Variants in TRHDE observed in about 807,000 individuals in gnomAD.
The protein encoded by TRHDE is thyrotropin releasing hormone degrading enzyme.
A neutral mutation model predicts 125.7 loss-of-function variants in TRHDE; 72 were observed. The ratio of observed to expected loss-of-function variants is 0.57; its 90% CI spans 0.47 to 0.70. TRHDE has a LOEUF of 0.70. Among genes scored for constraint, TRHDE ranks in the 30% least tolerant of loss-of-function variants. The pLI, the probability that TRHDE is intolerant of heterozygous loss-of-function variation, is 0.00. For synonymous variants in TRHDE, 509 were observed against 509.1 expected (o/e 1.00, Z 0.00); for missense variants, 1,110 against 1,327.1 (o/e 0.84, Z 2.54).
intron 15 of TRHDE, among the ~76,000 whole-genome samples, chr12:72,632,598 T>C (rs553223390): frequency 1.7e-4 from 26 of 152,108 alleles, no homozygotes; most frequent in African/African-American, 6.3e-4. Context: ...ATAGATATCT[T>C]AATTTTTCTA....
intron 3 of TRHDE, among the ~76,000 whole-genome samples, chr12:72,409,328 A>G (rs1445331149): frequency 6.6e-6 from 1 of 152,220 alleles, no homozygotes; most frequent in Admixed American, 6.5e-5. Context: ...GTTTTCAGGG[A>G]GACACTGAGT....
chr12:72,366,896 T>C (rs1352093562), intron 2 of TRHDE, among the ~76,000 whole-genome samples: 1 of 152,070 alleles, frequency 6.6e-6, no homozygotes, highest in Admixed American at 6.6e-5. Context: ...AGGCTGACTT[T>C]TGACCTCAGT....
intron 2 of TRHDE, among the ~76,000 whole-genome samples, chr12:72,351,611 C>T (rs981032180): frequency 6.6e-6 from 1 of 151,920 alleles, no homozygotes; most frequent in Non-Finnish European, 1.5e-5. Context: ...CTCTTTATCT[C>T]CATCACTACC....
At position 72,663,136 on chromosome 12, in the gene TRHDE, T is replaced by C. The variant is rs760955647; in HGVS notation, c.3151T>C (p.Trp1051Arg). The change falls in exon 19 of 19, where the codon TGG becomes CGG. Residue 1051 changes from tryptophan (W) to arginine (R), a missense_variant. Physicochemically the swap from Trp to Arg is moderately radical, Grantham distance 101. Transcript: ENST00000261180. ...GGAAACTGTCGAAGCCAATGTGCGC[T>C]GGAAAATGCTTTACCAAGACGAGCT... ...AVETVEANVR[W>R]KMLYQDELFQ... 6.2e-7 allele frequency: 1 copy of C among 1,613,246 alleles called. No individual in the cohort carries two copies. Among genetic ancestry groups the C allele is most frequent in the African/African-American group, 1.3e-5 (1 of 75,016 alleles).
chr12:72,385,070 C>T (rs1872353673), intron 3 of TRHDE, among the ~76,000 whole-genome samples: 1 of 151,994 alleles, frequency 6.6e-6, no homozygotes, highest in Non-Finnish European at 1.5e-5. Flanking sequence ...CTTGCCTTGC[C>T]TTTGATTAGG....
chr12:72,583,779 G>C (rs755172034), intron 12 of TRHDE, among the ~76,000 whole-genome samples: 1 of 152,150 alleles, frequency 6.6e-6, no homozygotes, highest in Non-Finnish European at 1.5e-5. Context: ...CCTTTGAGCT[G>C]TCTTTAGAAA....
At chr12:72,224,078 CCATCTATCTATCCATCT>C (rs1878055017) in intron 2 of TRHDE, among the ~76,000 whole-genome samples, 1 of 67,198 alleles carries the variant, frequency 1.5e-5, no homozygotes, top group South Asian at 5.1e-4. Flanking sequence ...ATCTATCTAT[CCATCTATCTATCCATCT>C]ATCTATCTAT....
At chr12:72,602,391 C>G (rs1045498864) in intron 12 of TRHDE, among the ~76,000 whole-genome samples, 1 of 152,154 alleles carries the variant, frequency 6.6e-6, no homozygotes, top group Non-Finnish European at 1.5e-5. Flanking sequence ...TACAGATCCT[C>G]TATAAGACAG....
intron 2 of TRHDE, among the ~76,000 whole-genome samples, chr12:72,236,343 A>G (rs1878337062): frequency 6.6e-6 from 1 of 152,184 alleles, no homozygotes; most frequent in African/African-American, 2.4e-5. Context: ...AATGTAAAGC[A>G]GTTCAATCAC....
At chr12:72,491,405 T>C (rs762639337) in intron 5 of TRHDE, among the ~76,000 whole-genome samples, 1 of 151,906 alleles carries the variant, frequency 6.6e-6, no homozygotes, top group African/African-American at 2.4e-5. Flanking sequence ...AGTGACTGAT[T>C]GATAACTTCT....
chr12:72,475,370 T>G (rs555537345), intron 5 of TRHDE, among the ~76,000 whole-genome samples: 2 of 152,312 alleles, frequency 1.3e-5, no homozygotes, highest in East Asian at 1.9e-4. Flanking sequence ...GGTGTTGCTT[T>G]TTTTAGCTCA....
chr12:72,472,046 G>A (rs934981404), intron 4 of TRHDE, among the ~76,000 whole-genome samples: 14 of 152,316 alleles, frequency 9.2e-5, no homozygotes, highest in Middle Eastern at 3.4e-3. Flanking sequence ...CCTTATCATG[G>A]AAGTCTGAGC....
chr12:72,519,515 G>C (rs991036963), intron 6 of TRHDE, among the ~76,000 whole-genome samples: 65 of 152,150 alleles, frequency 4.3e-4, no homozygotes, highest in Middle Eastern at 3.4e-3. Flanking sequence ...AAGCACTTCT[G>C]TGTATTGGTT....
At chr12:72,271,191 A>G (rs1029418216), upstream of TRHDE, among the ~76,000 whole-genome samples, 16 of 152,174 alleles carry the variant, frequency 1.1e-4, no homozygotes, top group Non-Finnish European at 2.1e-4. Flanking sequence ...CTTCCGGAGG[A>G]TTTTAATGCT....
chr12:72,583,923 CTTTTTT>C lies in TRHDE; in HGVS notation c.2321+8403_2321+8408del, dbSNP rs1190363456. Among the ~76,000 whole-genome samples the C allele has an allele frequency of 6.3e-4, 38 of 60,456 alleles. 1 individual carries two copies. The South Asian group carries it at 7.1e-3, about 11-fold the overall frequency. The allele number at this position is 60,456 out of a possible 152,430, so 39.7% of individuals were successfully genotyped here. ...GCTTGTGGCTCTAAAGGATGACAAA[CTTTTTT>C]TTTTTTTTTTTTTTTTTTTTTGAGA... On this transcript the variant is annotated intron_variant, in intron 12 of 18. Transcript: ENST00000261180.
At chr12:72,543,158 G>A (rs1869238090) in intron 7 of TRHDE, among the ~76,000 whole-genome samples, 1 of 151,280 alleles carries the variant, frequency 6.6e-6, no homozygotes, top group Non-Finnish European at 1.5e-5. Flanking sequence ...TTCTTAGTAA[G>A]CTTTTCATTT....
chr12:72,104,483 G>A (rs1031791203), intron 1 of TRHDE, among the ~76,000 whole-genome samples: 5 of 152,088 alleles, frequency 3.3e-5, no homozygotes, highest in Non-Finnish European at 4.4e-5. Flanking sequence ...ACAAAGGTGC[G>A]TACACAAGAA....
rs1040220401 is a variant in TRHDE at position 72,665,545 on chromosome 12, T to A, written c.*2350T>A. ...TATCAGGCTTTACCGGTTTTTTTAG[T>A]TGTTTAAATAAGTAATATTTTCAAA... is the stretch of plus-strand genomic sequence containing the variant. On this transcript the variant is annotated 3_prime_UTR_variant, in exon 19 of 19. Transcript: ENST00000261180. The A allele has an allele frequency of 7.2e-5, 11 of 152,430 alleles. No homozygotes were observed. Among genetic ancestry groups the A allele is most frequent in the African/African-American group, 2.7e-4 (11 of 41,466 alleles). 9.4% of individuals were successfully genotyped at this position (152,430 alleles called of 1,614,324 possible).
At chr12:72,464,522 A>G (rs1398444823) in intron 3 of TRHDE, among the ~76,000 whole-genome samples, 2 of 152,204 alleles carry the variant, frequency 1.3e-5, no homozygotes, top group Non-Finnish European at 2.9e-5. Flanking sequence ...TGGAGGGGAC[A>G]CATTTAAACC....
Sources: allele counts gnomAD v4.1 joint callset (sites outside exome capture counted in the v4.1 genomes callset), GRCh38; gene constraint gnomAD v4.1.1; transcripts MANE v1.5; gene names NCBI Gene and HGNC (gene_info 2026-07-23, HGNC 2026-07-21).